The following ARSB variants were observed in gnomAD, a reference collection of about 807,000 sequenced individuals.
ARSB encodes N-acetylgalactosamine-4-sulfatase.
A neutral mutation model predicts 50.9 loss-of-function variants in ARSB; 41 were observed. That is an observed-to-expected ratio of 0.81 (90% CI 0.63 to 1.04). The LOEUF is 1.04. ARSB is among the 50% of genes least tolerant of loss of function. The probability of loss-of-function intolerance (pLI) is 0.00; values close to 1 mark genes in which losing one functional copy is unlikely to be tolerated. For missense variants in ARSB, 672 were observed against 693.3 expected (o/e 0.97, Z 0.35); for synonymous variants, 269 against 284.8 (o/e 0.94, Z 0.56).
At chr5:78,952,978 A>G (rs1751552291) in intron 4 of ARSB, among the ~76,000 whole-genome samples, 1 of 152,186 alleles carries the variant, frequency 6.6e-6, no homozygotes. Context: ...ACCAGCACTG[A>G]TCAAAATGCT....
chr5:78,906,636 T>C (rs1446298746), intron 4 of ARSB, among the ~76,000 whole-genome samples: 1 of 150,516 alleles, frequency 6.6e-6, no homozygotes, highest in Non-Finnish European at 1.5e-5. Context: ...TCCCTGCTGT[T>C]ATATTAGGTT....
chr5:78,791,932 C>T (rs1215941533), intron 6 of ARSB, among the ~76,000 whole-genome samples: 2 of 151,818 alleles, frequency 1.3e-5, no homozygotes, highest in African/African-American at 4.8e-5. Flanking sequence ...GTATGCCAGG[C>T]GTGTCCAATC....
chr5:78,789,939 G>T (rs1260574835), intron 6 of ARSB, among the ~76,000 whole-genome samples: 1 of 152,188 alleles, frequency 6.6e-6, no homozygotes, highest in Non-Finnish European at 1.5e-5. Context: ...TTGGGAGGAT[G>T]ATTTTCTGGC....
chr5:78,977,433 C>A (rs185853713), intron 1 of ARSB, among the ~76,000 whole-genome samples: 1 of 152,168 alleles, frequency 6.6e-6, no homozygotes, highest in Admixed American at 6.5e-5. Flanking sequence ...GGATTACAGA[C>A]GTGAGCCACC....
In ARSB at chr5:78,777,387, T is replaced by C. The variant is rs1748800223; in HGVS notation, c.*3010A>G. The C allele has an allele frequency of 6.6e-6, 1 of 152,632 alleles. No homozygotes were observed. The highest frequency in any genetic ancestry group is 2.4e-5 in the African/African-American group (1 of 41,444). 9.5% of individuals were successfully genotyped at this position (152,632 alleles called of 1,614,324 possible). ...CAGTAATTGCATTTATGATGTTGTA[T>C]AACCATGACCACTATCTAGTTCCAG... is the stretch of plus-strand genomic sequence containing the variant. On this transcript the variant is annotated 3_prime_UTR_variant, in exon 8 of 8. Transcript: ENST00000264914.
intron 4 of ARSB, among the ~76,000 whole-genome samples, chr5:78,918,808 T>A (rs1372534259): frequency 1.3e-5 from 2 of 152,330 alleles, no homozygotes; most frequent in East Asian, 3.9e-4. Context: ...CAAAAAGTAA[T>A]TAGAAATTAT....
intron 6 of ARSB, among the ~76,000 whole-genome samples, chr5:78,795,986 G>T (rs536497520): frequency 6.6e-6 from 1 of 152,238 alleles, no homozygotes; most frequent in Admixed American, 6.5e-5. Flanking sequence ...TTCAGAGAAT[G>T]TGCTGGTGTT....
chr5:78,845,549 T>C (rs982895779), intron 5 of ARSB, among the ~76,000 whole-genome samples: 5 of 152,186 alleles, frequency 3.3e-5, no homozygotes, highest in Admixed American at 2.0e-4. Flanking sequence ...TGTTATTTTT[T>C]AACTTTTTGA....
At chr5:78,936,339 G>C (rs1400455064) in intron 4 of ARSB, among the ~76,000 whole-genome samples, 2 of 151,342 alleles carry the variant, frequency 1.3e-5, no homozygotes, top group Non-Finnish European at 2.9e-5. Flanking sequence ...GGCCAGGCTG[G>C]TCTCGAACTC....
chr5:78,923,885 C>T (rs80143912), intron 4 of ARSB, among the ~76,000 whole-genome samples: 17,954 of 152,144 alleles, frequency 0.12, 1,370 homozygotes, highest in Middle Eastern at 0.19. Flanking sequence ...TGGGCATCTG[C>T]CTGCTTTCCA....
At position 78,879,009 on chromosome 5, in the gene ARSB, A is replaced by G. The variant is rs113799207; in HGVS notation, c.1142+6575T>C. Reference sequence around the variant, plus strand: ...GCTGGGACTACAGGTGTGTGCCAACACACCCAGCTAATTTTTGTATTTTTT... The same window carrying G: ...GCTGGGACTACAGGTGTGTGCCAACGCACCCAGCTAATTTTTGTATTTTTT... On this transcript the variant is annotated intron_variant, in intron 5 of 7. Coordinates refer to ENST00000264914, the MANE Select transcript of ARSB (RefSeq NM_000046.5). Among the ~76,000 whole-genome samples the G allele has an allele frequency of 7.5e-3, 1,141 of 152,162 alleles. 18 individuals carry two copies. Among genetic ancestry groups the G allele is most frequent in the African/African-American group, 0.026 (1,095 of 41,474 alleles).
chr5:78,845,399 C>T lies in ARSB; in HGVS notation c.1143-5973G>A, dbSNP rs554067898. Among the ~76,000 whole-genome samples, 4 of 152,092 alleles carry T rather than the reference C, an allele frequency of 2.6e-5. No homozygotes were observed. The East Asian group carries it at 5.8e-4, about 22-fold the overall frequency. On this transcript the variant is annotated intron_variant, in intron 5 of 7. Transcript: ENST00000264914. ...TTTCCTTTGCATATATACCCAGTAG[C>T]GGGATTGCTGGATCATATGGTAGTT...
intron 5 of ARSB, among the ~76,000 whole-genome samples, chr5:78,846,852 C>A (rs2112019921): frequency 6.6e-6 from 1 of 152,264 alleles, no homozygotes; most frequent in South Asian, 2.1e-4. Context: ...AGGCTGTCAA[C>A]TTTTTCCCAT....
chr5:78,823,585 C>T (rs139565171), intron 6 of ARSB, among the ~76,000 whole-genome samples: 200 of 152,224 alleles, frequency 1.3e-3, no homozygotes, highest in African/African-American at 4.6e-3. Context: ...TCTTGATTTC[C>T]AGGGACCTTC....
At chr5:78,826,520 T>C (rs1744439387) in intron 6 of ARSB, among the ~76,000 whole-genome samples, 1 of 152,192 alleles carries the variant, frequency 6.6e-6, no homozygotes, top group Non-Finnish European at 1.5e-5. Flanking sequence ...AAATAATATG[T>C]GCTCTAAAGA....
intron 4 of ARSB, among the ~76,000 whole-genome samples, chr5:78,931,297 C>T (rs181162601): frequency 6.6e-6 from 1 of 152,200 alleles, no homozygotes; most frequent in African/African-American, 2.4e-5. Context: ...TTTTTACATT[C>T]TAGAAGAGAT....
At chr5:78,961,696 T>A (rs1751992680) in intron 3 of ARSB, among the ~76,000 whole-genome samples, 2 of 152,168 alleles carry the variant, frequency 1.3e-5, no homozygotes, top group African/African-American at 4.8e-5. Context: ...ATTTGTATTG[T>A]GGGCAGATTA....
chr5:78,901,068 T>G (rs1368867032), intron 4 of ARSB, among the ~76,000 whole-genome samples: 1 of 107,418 alleles, frequency 9.3e-6, no homozygotes. Context: ...AAAAAAAAAG[T>G]CATCAATGAT....
chr5:78,983,079 AG>A (rs1752982059), intron 1 of ARSB, among the ~76,000 whole-genome samples: 1 of 152,132 alleles, frequency 6.6e-6, no homozygotes, highest in African/African-American at 2.4e-5. Context: ...TTTGAGATGG[AG>A]TCTTGCTCTG....
Sources: allele counts gnomAD v4.1 joint callset (sites outside exome capture counted in the v4.1 genomes callset), GRCh38; gene constraint gnomAD v4.1.1; transcripts MANE v1.5; gene names NCBI Gene and HGNC (gene_info 2026-07-23, HGNC 2026-07-21).